The following NCKAP5 variants were observed in gnomAD, a reference collection of about 807,000 sequenced individuals.
The protein encoded by NCKAP5 is NCK associated protein 5, also known as nck-associated protein 5.
NCKAP5 carries 92 observed loss-of-function variants against 167.0 expected under a neutral mutation model. That is an observed-to-expected ratio of 0.55 (90% CI 0.47 to 0.66). The LOEUF (loss-of-function observed/expected upper bound fraction) is 0.66, where lower values mean the gene tolerates loss of function less well. Among genes scored for constraint, NCKAP5 ranks in the 30% least tolerant of loss-of-function variants. The probability of loss-of-function intolerance (pLI) is 0.00; values close to 1 mark genes in which losing one functional copy is unlikely to be tolerated. For missense variants in NCKAP5, 2,378 were observed against 2,315.0 expected, an observed-to-expected ratio of 1.03 and a Z score of -0.56; for synonymous variants, 891 against 877.4, an observed-to-expected ratio of 1.02 and a Z score of -0.27.
chr2:133,594,561 A>C, the NCKAP5 span, among the ~76,000 whole-genome samples: 1 of 152,186 alleles, frequency 6.6e-6, no homozygotes, highest in Non-Finnish European at 1.5e-5. Context: ...AACTGAGAGA[A>C]CCAGGAGGTC....
chr2:132,822,968 G>C (rs932077686), intron 11 of NCKAP5, among the ~76,000 whole-genome samples: 4 of 152,148 alleles, frequency 2.6e-5, no homozygotes, highest in Non-Finnish European at 5.9e-5. Flanking sequence ...AGAACTTGAA[G>C]TCAAGGCTTT....
intron 6 of NCKAP5, among the ~76,000 whole-genome samples, chr2:133,052,952 A>C (rs1221187582): frequency 6.6e-6 from 1 of 152,278 alleles, no homozygotes; most frequent in East Asian, 1.9e-4. Flanking sequence ...GGGAGAAAAC[A>C]AAATAAAAAA....
At chr2:133,063,791 G>C (rs1363897770) in intron 6 of NCKAP5, among the ~76,000 whole-genome samples, 2 of 152,128 alleles carry the variant, frequency 1.3e-5, no homozygotes, top group African/African-American at 2.4e-5. Flanking sequence ...ACTCTTCCTG[G>C]CCAAGATGTT....
At chr2:133,140,114 T>C (rs1011607562) in intron 5 of NCKAP5, among the ~76,000 whole-genome samples, 1 of 152,226 alleles carries the variant, frequency 6.6e-6, no homozygotes, top group African/African-American at 2.4e-5. Flanking sequence ...GTCATGTTAA[T>C]TGATCACAAT....
chr2:132,998,626 A>T (rs189655188), intron 6 of NCKAP5, among the ~76,000 whole-genome samples: 3 of 152,320 alleles, frequency 2.0e-5, no homozygotes, highest in Non-Finnish European at 2.9e-5. Context: ...CTTATTTAAC[A>T]AACTTCTCTA....
intron 3 of NCKAP5, among the ~76,000 whole-genome samples, chr2:133,345,730 G>T (rs957435552): frequency 6.6e-5 from 10 of 152,164 alleles, no homozygotes; most frequent in African/African-American, 2.4e-4. Flanking sequence ...CTTGTGGGGT[G>T]ATTTCATTGT....
At chr2:133,436,855 C>A (rs1690517584) in intron 3 of NCKAP5, among the ~76,000 whole-genome samples, 1 of 152,112 alleles carries the variant, frequency 6.6e-6, no homozygotes, top group African/African-American at 2.4e-5. Flanking sequence ...TTTCTCAGAG[C>A]ATGTATGGTT....
chr2:133,121,167 CA>C (rs2082239195), intron 6 of NCKAP5, among the ~76,000 whole-genome samples: 1 of 152,048 alleles, frequency 6.6e-6, no homozygotes, highest in Admixed American at 6.6e-5. Context: ...CGGTAATCAA[CA>C]AAACTTAGAC....
intron 3 of NCKAP5, among the ~76,000 whole-genome samples, chr2:133,417,263 C>T (rs1689176390): frequency 6.6e-6 from 1 of 152,130 alleles, no homozygotes; most frequent in South Asian, 2.1e-4. Flanking sequence ...TCCTAGAGGG[C>T]CCAGAATGGC....
chr2:133,211,288 T>C (rs912371519), intron 5 of NCKAP5, among the ~76,000 whole-genome samples: 1 of 152,152 alleles, frequency 6.6e-6, no homozygotes, highest in Non-Finnish European at 1.5e-5. Flanking sequence ...TGGGATGCAG[T>C]AGTATGATCA....
At chr2:133,293,376 G>A (rs1194646473) in intron 4 of NCKAP5, among the ~76,000 whole-genome samples, 1 of 152,132 alleles carries the variant, frequency 6.6e-6, no homozygotes, top group Admixed American at 6.6e-5. Flanking sequence ...CCCCTAATTA[G>A]ACACATGCAT....
chr2:133,469,586 G>T (rs1405314221), intron 3 of NCKAP5, among the ~76,000 whole-genome samples: 1 of 152,004 alleles, frequency 6.6e-6, no homozygotes, highest in Admixed American at 6.6e-5. Flanking sequence ...AGTTCTCCTG[G>T]ATAATATCCT....
intron 2 of NCKAP5, among the ~76,000 whole-genome samples, chr2:133,555,543 C>T (rs765039238): frequency 1.3e-5 from 2 of 152,230 alleles, no homozygotes; most frequent in East Asian, 1.9e-4. Context: ...CATAAGTTCT[C>T]ACCTTGTTTC....
At chr2:132,907,993 A>G (rs1332918069) in intron 8 of NCKAP5, among the ~76,000 whole-genome samples, 2 of 152,038 alleles carry the variant, frequency 1.3e-5, no homozygotes, top group East Asian at 3.9e-4. Flanking sequence ...CTCATACCCA[A>G]CAGAGATTTA....
chr2:132,869,734 C>T (rs1690652247), intron 9 of NCKAP5, among the ~76,000 whole-genome samples: 1 of 152,142 alleles, frequency 6.6e-6, no homozygotes, highest in African/African-American at 2.4e-5. Context: ...GCTCACCCTT[C>T]GTCTTCCTGA....
intron 3 of NCKAP5, among the ~76,000 whole-genome samples, chr2:133,466,909 G>C (rs1242580427): frequency 1.3e-5 from 2 of 152,120 alleles, no homozygotes; most frequent in East Asian, 3.9e-4. Flanking sequence ...GGAGATTTTG[G>C]GCTGAGATAA....
At chr2:133,465,856 G>T (rs1484339908) in intron 3 of NCKAP5, among the ~76,000 whole-genome samples, 3 of 145,856 alleles carry the variant, frequency 2.1e-5, no homozygotes, top group African/African-American at 7.6e-5. Context: ...TGATGGGGTT[G>T]TTTGTTTTTT....
chr2:132,851,653 T>C (rs1406848889), intron 11 of NCKAP5, among the ~76,000 whole-genome samples: 1 of 152,174 alleles, frequency 6.6e-6, no homozygotes, highest in African/African-American at 2.4e-5. Context: ...CTCGTTGGTA[T>C]CTACCCTCCC....
At chr2:132,796,603 T>C in intron 12 of NCKAP5, 25 bp downstream of exon 12, 1 of 1,554,508 alleles carries the variant, frequency 6.4e-7, no homozygotes, top group Non-Finnish European at 8.8e-7. Context: ...AAAACAAGTG[T>C]TCTGAAGGCA....
Sources: allele counts gnomAD v4.1 joint callset (sites outside exome capture counted in the v4.1 genomes callset), GRCh38; gene constraint gnomAD v4.1.1; transcripts MANE v1.5; gene names NCBI Gene and HGNC (gene_info 2026-07-23, HGNC 2026-07-21).